The following WFDC8 variants were observed in gnomAD, a reference collection of about 807,000 sequenced individuals.
The protein encoded by WFDC8 is WAP four-disulfide core domain 8.
A neutral mutation model predicts 27.0 loss-of-function variants in WFDC8; 24 were observed. That is an observed-to-expected ratio of 0.89 (90% confidence interval 0.64 to 1.25). WFDC8 has a LOEUF of 1.25. Ranked by LOEUF, WFDC8 falls within the 50% of genes most tolerant of loss-of-function variation. The pLI, the probability that WFDC8 is intolerant of heterozygous loss-of-function variation, is 0.00. For synonymous variants in WFDC8, 106 were observed against 99.7 expected (o/e 1.06, Z -0.38); for missense variants, 287 against 295.9 (o/e 0.97, Z 0.22).
At position 45,566,120 on chromosome 20, in the gene WFDC8, C is replaced by T. The variant is rs549663095; in HGVS notation, c.27-3901G>A. Among the ~76,000 whole-genome samples the T allele has an allele frequency of 2.2e-4, 33 of 152,088 alleles. No individual in the cohort carries two copies. The South Asian group carries it at 6.4e-3, about 30-fold the overall frequency. On this transcript the variant is annotated intron_variant, in intron 1 of 5. Transcript: ENST00000289953. ...ATGTATAACTAATCACATTATTAAT[C>T]GTTTGGTAGATGCTGGTAAAGCCTT...
At chr20:45,558,796 A>G (rs1980359836) in intron 3 of WFDC8, 56 bp downstream of exon 3, 4 of 1,601,454 alleles carry the variant, frequency 2.5e-6, no homozygotes, top group African/African-American at 2.7e-5. Flanking sequence ...TCCCTCAGCC[A>G]GTTTTGGACA....
At chr20:45,561,932 G>A (rs139094922) in intron 2 of WFDC8, among the ~76,000 whole-genome samples, 178 bp downstream of exon 2, 1 of 152,066 alleles carries the variant, frequency 6.6e-6, no homozygotes. Flanking sequence ...GAAATAATTT[G>A]GGGGGAGCAA....
intron 2 of WFDC8, among the ~76,000 whole-genome samples, chr20:45,561,575 C>T (rs1379033745): frequency 6.6e-6 from 1 of 152,138 alleles, no homozygotes. Flanking sequence ...TCTCCTAAAC[C>T]TCTCTCCAAA....
intron 1 of WFDC8, among the ~76,000 whole-genome samples, chr20:45,571,335 G>A (rs982122798): frequency 1.7e-4 from 25 of 151,296 alleles, no homozygotes; most frequent in African/African-American, 6.1e-4. Flanking sequence ...TGCTTTCATT[G>A]CACTTTAAGA....
At chr20:45,556,363 A>G (rs1980251257) in intron 3 of WFDC8, among the ~76,000 whole-genome samples, 1 of 152,338 alleles carries the variant, frequency 6.6e-6, no homozygotes, top group South Asian at 2.1e-4. Context: ...AGACTATATA[A>G]ATTATGTCAG....
At chr20:45,553,310 C>T (rs749681555) in intron 4 of WFDC8, 34 bp from the exon 5 acceptor site, 1 of 1,595,160 alleles carries the variant, frequency 6.3e-7, no homozygotes, top group South Asian at 1.1e-5. Flanking sequence ...TTCTTAAAAC[C>T]CCACCCCCAT....
At chr20:45,564,168 C>A (rs1446128571) in intron 1 of WFDC8, among the ~76,000 whole-genome samples, 2 of 152,160 alleles carry the variant, frequency 1.3e-5, no homozygotes, top group African/African-American at 4.8e-5. Context: ...AGCATAATTG[C>A]AAGAGTTGCT....
chr20:45,555,905 G>A (rs373338335), intron 3 of WFDC8, 37 bp from the exon 4 acceptor site: 17 of 1,597,354 alleles, frequency 1.1e-5, no homozygotes, highest in African/African-American at 2.7e-5. Flanking sequence ...GATATGAAGA[G>A]TAGAGATAAA....
At position 45,558,967 on chromosome 20, in the gene WFDC8, C is replaced by G. The variant is rs1980370473; in HGVS notation, c.162G>C (p.Glu54Asp). 6.2e-7 allele frequency: 1 copy of G among 1,614,058 alleles called. No individual in the cohort carries two copies. The highest frequency in any genetic ancestry group is 1.1e-5 in the South Asian group (1 of 91,074). Reference protein sequence around the residue: ...IKHKPGLCPKERLTCTTELPD... With the variant: ...IKHKPGLCPKDRLTCTTELPD... ...GAAGTTCAGTGGTACAGGTGAGCCTCTCTTTGGGACATAACCCTGGTTTGT... is the reference window on the plus strand; with the variant it reads ...GAAGTTCAGTGGTACAGGTGAGCCTGTCTTTGGGACATAACCCTGGTTTGT... Residue 54 changes from glutamate to aspartate, a missense_variant, in exon 3 of 6, where the codon GAG (glutamate) becomes GAC (aspartate). Transcript: ENST00000289953.
At chr20:45,574,692 A>T (rs563742030) in intron 1 of WFDC8, among the ~76,000 whole-genome samples, 1 of 152,166 alleles carries the variant, frequency 6.6e-6, no homozygotes, top group Admixed American at 6.5e-5. Context: ...CAGCTACTTG[A>T]GAGGCTGAGG....
chr20:45,558,803 G>A (rs777518638), intron 3 of WFDC8, 49 bp downstream of exon 3: 1 of 1,609,442 alleles, frequency 6.2e-7, no homozygotes, highest in Non-Finnish European at 8.5e-7. Context: ...GCCAGTTTTG[G>A]ACAGAGCAAG....
Position 45,551,931 on chromosome 20 carries a change from A to G in WFDC8, c.*95T>C. 2 of 1,408,086 alleles carry G rather than the reference A, an allele frequency of 1.4e-6. No homozygotes were observed. The highest frequency in any genetic ancestry group is 2.0e-6 in the Non-Finnish European group (2 of 1,023,830). 87.2% of individuals were successfully genotyped at this position (1,408,086 alleles called of 1,614,324 possible). A position where few individuals can be genotyped will look rare whatever the true frequency, so the allele number is the denominator to read the frequency against. ...ATCATTCAATATTGTGATACTTAAG[A>G]TAATTTGGCAAGTTGGATACAAGAC... is the stretch of plus-strand genomic sequence containing the variant. On this transcript the variant is annotated 3_prime_UTR_variant, in exon 6 of 6. Coordinates refer to ENST00000289953, the MANE Select transcript of WFDC8 (RefSeq NM_130896.3).
chr20:45,561,045 G>A (rs570025262), intron 2 of WFDC8, among the ~76,000 whole-genome samples: 1 of 152,128 alleles, frequency 6.6e-6, no homozygotes, highest in Non-Finnish European at 1.5e-5. Flanking sequence ...AATCAAACTG[G>A]GTTTGAGTTG....
At chr20:45,555,124 A>G (rs924316718) in intron 4 of WFDC8, among the ~76,000 whole-genome samples, 1 of 152,230 alleles carries the variant, frequency 6.6e-6, no homozygotes, top group Admixed American at 6.5e-5. Flanking sequence ...ACTGAAATTC[A>G]AAGAAATGAA....
chr20:45,563,192 C>T (rs1043212752), intron 1 of WFDC8, among the ~76,000 whole-genome samples: 1 of 152,156 alleles, frequency 6.6e-6, no homozygotes, highest in Non-Finnish European at 1.5e-5. Flanking sequence ...TGCCTATACT[C>T]TCTGGTCATG....
chr20:45,562,503 A>T (rs1203513987), intron 1 of WFDC8, among the ~76,000 whole-genome samples: 2 of 142,384 alleles, frequency 1.4e-5, no homozygotes, highest in African/African-American at 5.2e-5. Context: ...AAAAGGCCAC[A>T]CTTGAATGAT....
chr20:45,554,158 T>A (rs1214517519), intron 4 of WFDC8, among the ~76,000 whole-genome samples: 1 of 151,466 alleles, frequency 6.6e-6, no homozygotes, highest in Admixed American at 6.6e-5. Context: ...CATGCCTGTT[T>A]TTTTTGTTGT....
At chr20:45,577,043 C>T (rs1233888925) in intron 1 of WFDC8, among the ~76,000 whole-genome samples, 1 of 151,344 alleles carries the variant, frequency 6.6e-6, no homozygotes, top group Non-Finnish European at 1.5e-5. Flanking sequence ...TGTGGTCATT[C>T]AGGGATATGT....
At chr20:45,552,279 CT>C (rs1980062072) in intron 5 of WFDC8, 114 bp from the exon 6 acceptor site, 1 of 1,282,456 alleles carries the variant, frequency 7.8e-7, no homozygotes, top group Admixed American at 2.2e-5. Flanking sequence ...AGCTTCTTAC[CT>C]TTCCCCCTAC....
Sources: gnomAD v4.1 joint callset for allele counts (sites outside exome capture counted in the v4.1 genomes callset) on GRCh38, gnomAD v4.1.1 for gene constraint, MANE v1.5 for transcripts, NCBI Gene and HGNC (gene_info 2026-07-23, HGNC 2026-07-21) for gene names.